TMEM117: variants seen among roughly 807,000 people sequenced by gnomAD.
TMEM117 encodes transmembrane protein 117.
A neutral mutation model predicts 52.4 loss-of-function variants in TMEM117; 27 were observed. That is an observed-to-expected ratio of 0.51 (90% CI 0.38 to 0.71). The LOEUF is 0.71. Among genes scored for constraint, TMEM117 ranks in the 30% least tolerant of loss-of-function variants. The probability of loss-of-function intolerance (pLI) is 0.00; values close to 1 mark genes in which losing one functional copy is unlikely to be tolerated. For synonymous variants in TMEM117, 215 were observed against 206.3 expected, an observed-to-expected ratio of 1.04 and a Z score of -0.36; for missense variants, 556 against 630.5, an observed-to-expected ratio of 0.88 and a Z score of 1.26.
At chr12:43,909,525 C>T (rs1944455737) in intron 2 of TMEM117, among the ~76,000 whole-genome samples, 1 of 142,582 alleles carries the variant, frequency 7.0e-6, no homozygotes, top group African/African-American at 2.5e-5. Context: ...AATAGAGACA[C>T]AAAAAACCCT....
the TMEM117 span, among the ~76,000 whole-genome samples, chr12:43,825,817 C>T: frequency 6.6e-6 from 1 of 152,228 alleles, no homozygotes; most frequent in African/African-American, 2.4e-5. Flanking sequence ...TGTTAACACC[C>T]ACCTGAGTTT....
intron 4 of TMEM117, among the ~76,000 whole-genome samples, chr12:44,186,173 A>G (rs1190818531): frequency 6.6e-6 from 1 of 152,202 alleles, no homozygotes; most frequent in African/African-American, 2.4e-5. Context: ...GGGAGTCCTG[A>G]TAATGAGATG....
intron 3 of TMEM117, among the ~76,000 whole-genome samples, chr12:44,083,312 T>C (rs1334708099): frequency 1.3e-5 from 2 of 152,034 alleles, no homozygotes; most frequent in Admixed American, 6.6e-5. Flanking sequence ...TCAAAAATGT[T>C]TGTGCCAGTT....
At chr12:43,893,429 A>G (rs899830405) in intron 2 of TMEM117, among the ~76,000 whole-genome samples, 1 of 152,234 alleles carries the variant, frequency 6.6e-6, no homozygotes, top group Non-Finnish European at 1.5e-5. Flanking sequence ...TAGTTCAGAT[A>G]CCTTCAAGGC....
intron 5 of TMEM117, among the ~76,000 whole-genome samples, chr12:44,282,816 G>T (rs1019184400): frequency 1.3e-5 from 2 of 152,222 alleles, no homozygotes; most frequent in South Asian, 2.1e-4. Context: ...TCTCCAGGCT[G>T]TGTCAGAGAC....
intron 2 of TMEM117, among the ~76,000 whole-genome samples, chr12:43,908,926 TAGAC>T (rs1254459195): frequency 7.0e-6 from 1 of 142,110 alleles, no homozygotes. Context: ...CTGTCAACAT[TAGAC>T]AGATCAACGA....
chr12:43,802,541 T>A, the TMEM117 span: 137 of 1,055,838 alleles, frequency 1.3e-4, 3 homozygotes, highest in South Asian at 2.0e-3. Flanking sequence ...ACTAGAAAAA[T>A]AAATATATAG....
At chr12:44,147,931 C>CAAAAA (rs61271123) in intron 4 of TMEM117, among the ~76,000 whole-genome samples, 1 of 61,792 alleles carries the variant, frequency 1.6e-5, no homozygotes, top group East Asian at 5.1e-4. Context: ...GACTCTGTCT[C>CAAAAA]AAAAAAAAAA....
intron 2 of TMEM117, among the ~76,000 whole-genome samples, chr12:43,895,314 C>T (rs1438185460): frequency 6.6e-6 from 1 of 152,084 alleles, no homozygotes; most frequent in Non-Finnish European, 1.5e-5. Flanking sequence ...CATGTCTTTG[C>T]AAAGGACATG....
At chr12:43,967,129 C>A (rs922688705) in intron 3 of TMEM117, among the ~76,000 whole-genome samples, 2 of 25,240 alleles carry the variant, frequency 7.9e-5, no homozygotes, top group Non-Finnish European at 2.2e-4. Flanking sequence ...GTTACTTCTT[C>A]TTCTTTTTTT....
At chr12:43,835,782 C>T (rs1252978180), upstream of TMEM117, among the ~76,000 whole-genome samples, 1 of 152,016 alleles carries the variant, frequency 6.6e-6, no homozygotes, top group African/African-American at 2.4e-5. Context: ...GCGGGCCGGC[C>T]CGGGCAGGCT....
intron 6 of TMEM117, among the ~76,000 whole-genome samples, chr12:44,308,866 A>G (rs1950937537): frequency 6.6e-6 from 1 of 152,022 alleles, no homozygotes; most frequent in Non-Finnish European, 1.5e-5. Flanking sequence ...TGATCCGCCC[A>G]CCTTGGCCTC....
chr12:43,885,473 T>A (rs943722880), intron 2 of TMEM117, among the ~76,000 whole-genome samples: 1 of 149,946 alleles, frequency 6.7e-6, no homozygotes, highest in Non-Finnish European at 1.5e-5. Context: ...GAACTTTTTT[T>A]AAAAAAACAA....
intron 4 of TMEM117, among the ~76,000 whole-genome samples, chr12:44,194,042 A>G (rs1949387958): frequency 6.6e-6 from 1 of 152,250 alleles, no homozygotes; most frequent in Admixed American, 6.5e-5. Context: ...TAATATATGC[A>G]AATAAATAAA....
At chr12:43,919,555 A>G (rs990635983) in intron 2 of TMEM117, among the ~76,000 whole-genome samples, 1 of 152,128 alleles carries the variant, frequency 6.6e-6, no homozygotes. Context: ...TTCTCTGTCT[A>G]TGGACATTTA....
chr12:44,350,422 A>G (rs1190671803), intron 6 of TMEM117, among the ~76,000 whole-genome samples: 1 of 152,004 alleles, frequency 6.6e-6, no homozygotes, highest in East Asian at 1.9e-4. Flanking sequence ...TAGTTATTTC[A>G]AAAGGTACAA....
At chr12:44,313,935 A>G (rs1104356) in intron 6 of TMEM117, among the ~76,000 whole-genome samples, 3,370 of 152,142 alleles carry the variant, frequency 0.022, 145 homozygotes, top group African/African-American at 0.077. Context: ...AATGGTACTG[A>G]TTTTTATATG....
At chr12:44,083,296 CTG>C (rs1345302939) in intron 3 of TMEM117, among the ~76,000 whole-genome samples, 1 of 151,270 alleles carries the variant, frequency 6.6e-6, no homozygotes, top group Non-Finnish European at 1.5e-5. Context: ...TAATGACAAA[CTG>C]TTTTCAAAAA....
intron 3 of TMEM117, among the ~76,000 whole-genome samples, chr12:44,069,216 C>T: frequency 6.6e-6 from 1 of 152,102 alleles, no homozygotes; most frequent in East Asian, 1.9e-4. Flanking sequence ...AAAAAATAAA[C>T]CCTCAAGTCT....
Sources: allele counts gnomAD v4.1 joint callset (sites outside exome capture counted in the v4.1 genomes callset), GRCh38; gene constraint gnomAD v4.1.1; transcripts MANE v1.5; gene names NCBI Gene and HGNC (gene_info 2026-07-23, HGNC 2026-07-21).